B4GALNT3: variants seen among roughly 807,000 people sequenced by gnomAD.
The protein encoded by B4GALNT3 is beta-1,4-N-acetylgalactosaminyltransferase 3.
A neutral mutation model predicts 120.2 loss-of-function variants in B4GALNT3; 86 were observed. The observed-to-expected ratio is 0.72, with a 90% CI of 0.60 to 0.86. The LOEUF (loss-of-function observed/expected upper bound fraction) is 0.86, where lower values mean the gene tolerates loss of function less well. B4GALNT3 is among the 40% of genes least tolerant of loss of function. The probability of loss-of-function intolerance (pLI) is 0.00; values close to 1 mark genes in which losing one functional copy is unlikely to be tolerated. For synonymous variants in B4GALNT3, 518 were observed against 510.4 expected (o/e 1.01, Z -0.20); for missense variants, 1,167 against 1,298.9 (o/e 0.90, Z 1.56).
intron 1 of B4GALNT3, among the ~76,000 whole-genome samples, chr12:515,687 T>C (rs1397049980): frequency 6.6e-6 from 1 of 152,138 alleles, no homozygotes; most frequent in East Asian, 1.9e-4. Context: ...ATATAGCTGT[T>C]TCACAGAGAT....
At chr12:557,491 C>T (rs1362795556) in intron 15 of B4GALNT3, 117 bp from the exon 16 acceptor site, 1 of 1,028,294 alleles carries the variant, frequency 9.7e-7, no homozygotes, top group Non-Finnish European at 1.4e-6. Context: ...TGCACTGTCC[C>T]CTCAGCCGAG....
rs11063537 is a variant in B4GALNT3 at position 548,854 on chromosome 12, A to G, written c.853+557A>G. Among the ~76,000 whole-genome samples the G allele has an allele frequency of 0.2, 31,058 of 152,158 alleles. 3,339 individuals are homozygous for G. The highest frequency in any genetic ancestry group is 0.24 in the Non-Finnish European group (16,186 of 67,982). ...CGAAGCTGAAGCTACAGTGAGCTGT[A>G]ATTGGGTCACTGTGCTCCAGCCTGG... On this transcript the variant is annotated intron_variant, in intron 9 of 19. Transcript: ENST00000266383. This position sits in a 1 kb window ranked among gnomAD's most constrained non-coding sequence, Gnocchi z 4.9.
At chr12:513,831 C>A (rs1343451218) in intron 1 of B4GALNT3, among the ~76,000 whole-genome samples, 1 of 152,230 alleles carries the variant, frequency 6.6e-6, no homozygotes, top group East Asian at 1.9e-4. Flanking sequence ...TCAAGCAGTC[C>A]TCTGACCTCA....
intron 1 of B4GALNT3, among the ~76,000 whole-genome samples, chr12:512,704 G>GCCTTCCA (rs151030473): frequency 1.6e-5 from 1 of 62,530 alleles, no homozygotes; most frequent in Admixed American, 1.9e-4. Flanking sequence ...TCCACCTTCC[G>GCCTTCCA]CCTTCCACCT....
In B4GALNT3 at chr12:548,361, T is replaced by G; in HGVS notation, c.853+64T>G. ...GGTGGGGACAGCCTACCCTGGGGGA[T>G]TTGGCAGGGGAGGAGGGGAGGAGGG... On this transcript the variant is annotated intron_variant, in intron 9 of 19. Transcript: ENST00000266383. The surrounding 1 kb of genome is among the most constrained non-coding windows in gnomAD (Gnocchi z 4.9). The G allele has an allele frequency of 6.6e-7, 1 of 1,523,158 alleles. No individual in the cohort carries two copies. The highest frequency in any genetic ancestry group is 2.3e-5 in the East Asian group (1 of 44,348). The allele number at this position is 1,523,158 out of a possible 1,614,324, so 94.4% of individuals were successfully genotyped here.
At chr12:498,670 G>A (rs1460132457) in intron 1 of B4GALNT3, among the ~76,000 whole-genome samples, 1 of 152,208 alleles carries the variant, frequency 6.6e-6, no homozygotes, top group Non-Finnish European at 1.5e-5. Flanking sequence ...CAGTATGTGG[G>A]GCGACGCTAG....
In B4GALNT3 at chr12:552,335, A is replaced by ACACC. The variant is rs1491522563; in HGVS notation, c.1209-131_1209-130insACCC. The ACACC allele has an allele frequency of 9.9e-6, 8 of 806,730 alleles. No individual in the cohort carries two copies. The African/African-American group carries it at 1.5e-4, about 15-fold the overall frequency. 50.0% of individuals were successfully genotyped at this position (806,730 alleles called of 1,614,324 possible). ...CACACACACACACACACACACACACACCCGCTCACCAGCCTCCTTCCTCCA... is the reference window on the plus strand; with the variant it reads ...CACACACACACACACACACACACACACACCCCCGCTCACCAGCCTCCTTCCTCCA... On this transcript the variant is annotated intron_variant, in intron 12 of 19. Coordinates refer to ENST00000266383, the MANE Select transcript of B4GALNT3 (RefSeq NM_173593.4).
intron 1 of B4GALNT3, among the ~76,000 whole-genome samples, chr12:525,993 A>T (rs778360179): frequency 1.3e-5 from 2 of 152,182 alleles, no homozygotes; most frequent in Non-Finnish European, 2.9e-5. Flanking sequence ...GAGCAATGTC[A>T]TGTCATCAGC....
At position 561,989 on chromosome 12, in the gene B4GALNT3, G is replaced by C. The variant is rs148672221; in HGVS notation, c.*538G>C. ...TCCCTTGGGCGTTGTCCCTGGCCGC[G>C]GGACTGGTCCCACGTGGGGCAGGTC... is the stretch of plus-strand genomic sequence containing the variant. On this transcript the variant is annotated 3_prime_UTR_variant, in exon 20 of 20. Coordinates refer to ENST00000266383, the MANE Select transcript of B4GALNT3 (RefSeq NM_173593.4). 1 of 152,458 alleles carries C rather than the reference G, an allele frequency of 6.6e-6. No individual in the cohort carries two copies. Among genetic ancestry groups the C allele is most frequent in the African/African-American group, 2.4e-5 (1 of 41,444 alleles). 9.4% of individuals were successfully genotyped at this position (152,458 alleles called of 1,614,324 possible).
At chr12:481,481 T>C (rs560261963) in intron 1 of B4GALNT3, among the ~76,000 whole-genome samples, 16 of 152,222 alleles carry the variant, frequency 1.1e-4, no homozygotes, top group Non-Finnish European at 1.9e-4. Flanking sequence ...TCGTGGTTTC[T>C]CCAGTGCCCA....
At chr12:468,634 C>T (rs1049001724) in intron 1 of B4GALNT3, among the ~76,000 whole-genome samples, 2 of 152,190 alleles carry the variant, frequency 1.3e-5, no homozygotes, top group Admixed American at 1.3e-4. Flanking sequence ...CACACCAGCT[C>T]CTCACACCAG....
At chr12:500,474 T>C (rs992093695) in intron 1 of B4GALNT3, among the ~76,000 whole-genome samples, 1 of 152,180 alleles carries the variant, frequency 6.6e-6, no homozygotes, top group Non-Finnish European at 1.5e-5. Context: ...TAGTCCTGCA[T>C]GTAACAGGGC....
intron 2 of B4GALNT3, 21 bp from the exon 3 acceptor site, chr12:536,197 C>T (rs757598698): frequency 9.4e-6 from 15 of 1,600,154 alleles, no homozygotes; most frequent in Middle Eastern, 3.3e-4. Flanking sequence ...CTACCAACTT[C>T]GTTCTTCATT....
At chr12:511,396 TCTTCCACCTTCCTTCCACCTTCCAC>T (rs1946554804) in intron 1 of B4GALNT3, among the ~76,000 whole-genome samples, 1 of 52,348 alleles carries the variant, frequency 1.9e-5, no homozygotes, top group Non-Finnish European at 4.1e-5. Context: ...CCACCTTCTG[TCTTCCACCTTCCTTCCACCTTCCAC>T]CTTCCACCTT....
chr12:534,866 C>T (rs951164845), intron 1 of B4GALNT3, among the ~76,000 whole-genome samples: 2 of 152,196 alleles, frequency 1.3e-5, no homozygotes, highest in Non-Finnish European at 2.9e-5. Context: ...CAGAGGCAGC[C>T]GGGGGAGAAC....
intron 3 of B4GALNT3, among the ~76,000 whole-genome samples, chr12:537,644 T>C (rs1455297836): frequency 6.6e-6 from 1 of 152,226 alleles, no homozygotes; most frequent in Non-Finnish European, 1.5e-5. Context: ...TAAATCGTTA[T>C]GTCAAGATTT....
intron 1 of B4GALNT3, among the ~76,000 whole-genome samples, chr12:505,893 T>C (rs1946492605): frequency 6.6e-6 from 1 of 152,226 alleles, no homozygotes; most frequent in South Asian, 2.1e-4. Flanking sequence ...GAGCCCTAGA[T>C]CAGTGACAAG....
intron 1 of B4GALNT3, among the ~76,000 whole-genome samples, chr12:485,912 C>T (rs962789125): frequency 2.0e-5 from 3 of 152,124 alleles, no homozygotes; most frequent in African/African-American, 7.2e-5. Context: ...ACTGGGGAGA[C>T]AGGTAGGCAG....
chr12:529,728 A>G (rs1040368912), intron 1 of B4GALNT3, among the ~76,000 whole-genome samples: 1 of 150,736 alleles, frequency 6.6e-6, no homozygotes, highest in Non-Finnish European at 1.5e-5. Context: ...ACTACTTAGG[A>G]GCAAAAGCAA....
Sources: gnomAD v4.1 joint callset for allele counts (sites outside exome capture counted in the v4.1 genomes callset) on GRCh38, gnomAD v4.1.1 for gene constraint, Gnocchi (gnomAD v3.1) non-coding constraint, MANE v1.5 for transcripts, NCBI Gene and HGNC (gene_info 2026-07-23, HGNC 2026-07-21) for gene names.